MCF2L2: variants seen among roughly 807,000 people sequenced by gnomAD.
MCF2L2 encodes the protein probable guanine nucleotide exchange factor MCF2L2.
A neutral mutation model predicts 150.2 loss-of-function variants in MCF2L2; 102 were observed. The ratio of observed to expected loss-of-function variants is 0.68; its 90% confidence interval spans 0.58 to 0.80. The LOEUF is 0.80. Among genes scored for constraint, MCF2L2 ranks in the 30% least tolerant of loss-of-function variants. The pLI, the probability that MCF2L2 is intolerant of heterozygous loss-of-function variation, is 0.00. For synonymous variants in MCF2L2, 465 were observed against 491.3 expected, an observed-to-expected ratio of 0.95 and a Z score of 0.71; for missense variants, 1,256 against 1,372.8, an observed-to-expected ratio of 0.91 and a Z score of 1.34.
At chr3:183,230,095 TA>T (rs1329279178) in intron 16 of MCF2L2, among the ~76,000 whole-genome samples, 1 of 152,176 alleles carries the variant, frequency 6.6e-6, no homozygotes, top group Admixed American at 6.5e-5. Context: ...TATGAACTAA[TA>T]CAATTACTAT....
At chr3:183,341,970 C>CT (rs1401995934) in intron 3 of MCF2L2, among the ~76,000 whole-genome samples, 1 of 152,178 alleles carries the variant, frequency 6.6e-6, no homozygotes, top group African/African-American at 2.4e-5. Context: ...CTCTGCCATC[C>CT]TTCCGCTCCC....
intron 23 of MCF2L2, among the ~76,000 whole-genome samples, chr3:183,206,659 G>A (rs148986770): frequency 6.7e-4 from 102 of 152,242 alleles, no homozygotes; most frequent in African/African-American, 2.3e-3. Context: ...ATCACCTGAG[G>A]TCAGGAGTTC....
chr3:183,368,780 A>G (rs1712688174), intron 3 of MCF2L2, among the ~76,000 whole-genome samples: 2 of 152,084 alleles, frequency 1.3e-5, no homozygotes. Flanking sequence ...AAAGCCTAAA[A>G]TATTTTTCCT....
At chr3:183,222,352 C>A (rs1723179002) in intron 20 of MCF2L2, among the ~76,000 whole-genome samples, 1 of 152,118 alleles carries the variant, frequency 6.6e-6, no homozygotes, top group Non-Finnish European at 1.5e-5. Context: ...GAGTTCAAGA[C>A]CAGCCTGGCC....
rs765500161 is a variant in MCF2L2, at chr3:183,309,839, C to T, written c.994-4G>A. The T allele has an allele frequency of 1.5e-5, 25 of 1,613,402 alleles. No individual in the cohort carries two copies. Among genetic ancestry groups the T allele is most frequent in the Admixed American group, 3.3e-5 (2 of 59,982 alleles). The stretch of plus-strand genomic sequence containing the variant: ...AATTATCCAGGGCAAGCTTAGCCTA[C>T]AAGAAACATTAGAACAGTCCAGAAG... On this transcript the variant is annotated splice_region_variant and splice_polypyrimidine_tract_variant and intron_variant, in intron 9 of 29. Coordinates refer to ENST00000328913, the MANE Select transcript of MCF2L2 (RefSeq NM_015078.4).
At chr3:183,302,193 G>T (rs1366662133) in intron 10 of MCF2L2, among the ~76,000 whole-genome samples, 1 of 152,262 alleles carries the variant, frequency 6.6e-6, no homozygotes, top group Middle Eastern at 3.4e-3. Context: ...GCTTGTGCCT[G>T]GTTTCCTCCA....
chr3:183,198,209 G>A (rs145096002), intron 25 of MCF2L2, among the ~76,000 whole-genome samples: 2,060 of 152,164 alleles, frequency 0.014, 16 homozygotes, highest in Non-Finnish European at 0.019. Flanking sequence ...AATGGATAAA[G>A]AAAACGGGGT....
chr3:183,313,638 T>C (rs1428756125), intron 7 of MCF2L2, among the ~76,000 whole-genome samples: 1 of 151,834 alleles, frequency 6.6e-6, no homozygotes, highest in African/African-American at 2.4e-5. Flanking sequence ...AAAAATGGAG[T>C]TTCAGTTTCC....
At chr3:183,257,866 C>A (rs937107771) in intron 15 of MCF2L2, among the ~76,000 whole-genome samples, 12 of 151,742 alleles carry the variant, frequency 7.9e-5, no homozygotes, top group Non-Finnish European at 1.5e-4. Flanking sequence ...CATTTCCCCA[C>A]TCAAGCCACA....
intron 15 of MCF2L2, 30 bp from the exon 16 acceptor site, chr3:183,231,047 AAGAG>A (rs766909201): frequency 3.9e-6 from 6 of 1,522,924 alleles, no homozygotes; most frequent in South Asian, 2.2e-5. Flanking sequence ...GGGAGGGTGA[AAGAG>A]AGAGAGACAG....
Position 183,217,038 on chromosome 3 carries a change from A to T in MCF2L2, c.2371-944T>A, listed in dbSNP as rs138168202. On this transcript the variant is annotated intron_variant, in intron 21 of 29. Transcript: ENST00000328913. ...GGCCGGGCGGGTGGCTCATGCCTGT[A>T]ATCCCAGCACTTTGGGAGGCTGAGA... Among the ~76,000 whole-genome samples the T allele has an allele frequency of 4.0e-3, 609 of 151,592 alleles. 2 individuals carry two copies. The highest frequency in any genetic ancestry group is 6.9e-3 in the Non-Finnish European group (471 of 67,858).
At chr3:183,414,546 C>T (rs1715486846) in intron 1 of MCF2L2, among the ~76,000 whole-genome samples, 1 of 152,138 alleles carries the variant, frequency 6.6e-6, no homozygotes, top group South Asian at 2.1e-4. Context: ...TGCTTTTCTA[C>T]TCTACATTTC....
chr3:183,209,487 T>A (rs1722612314), intron 22 of MCF2L2, among the ~76,000 whole-genome samples: 1 of 152,068 alleles, frequency 6.6e-6, no homozygotes, highest in South Asian at 2.1e-4. Flanking sequence ...ACAAAATTAT[T>A]TTTTATTTTT....
At chr3:183,327,057 T>C (rs2108525389) in intron 5 of MCF2L2, among the ~76,000 whole-genome samples, 1 of 152,258 alleles carries the variant, frequency 6.6e-6, no homozygotes, top group East Asian at 1.9e-4. Context: ...CCGGGCATGG[T>C]GGCTCACACC....
intron 25 of MCF2L2, among the ~76,000 whole-genome samples, chr3:183,196,077 C>T (rs150525176): frequency 1.6e-4 from 24 of 152,334 alleles, no homozygotes; most frequent in Non-Finnish European, 2.6e-4. Context: ...AGTCATGCCA[C>T]AGCTGAGGAG....
intron 10 of MCF2L2, among the ~76,000 whole-genome samples, chr3:183,309,150 T>C (rs770817738): frequency 4.6e-5 from 7 of 152,236 alleles, no homozygotes; most frequent in Non-Finnish European, 8.8e-5. Context: ...AAGTTTCACA[T>C]TTACAACTCT....
chr3:183,335,431 T>C (rs1730437813), intron 5 of MCF2L2, among the ~76,000 whole-genome samples: 1 of 152,230 alleles, frequency 6.6e-6, no homozygotes, highest in East Asian at 1.9e-4. Context: ...CTATAATACA[T>C]GTTATGGTTT....
At chr3:183,308,652 G>C (rs1729218253) in intron 10 of MCF2L2, among the ~76,000 whole-genome samples, 1 of 152,220 alleles carries the variant, frequency 6.6e-6, no homozygotes, top group Non-Finnish European at 1.5e-5. Flanking sequence ...ACAGCTCTTA[G>C]AGTCAGTGTG....
At chr3:183,289,626 C>A (rs184071978) in intron 13 of MCF2L2, among the ~76,000 whole-genome samples, 1 of 152,142 alleles carries the variant, frequency 6.6e-6, no homozygotes, top group African/African-American at 2.4e-5. Flanking sequence ...GAGGCTGAGG[C>A]GGGCAGATCA....
Sources: gnomAD v4.1 joint callset for allele counts (sites outside exome capture counted in the v4.1 genomes callset) on GRCh38, gnomAD v4.1.1 for gene constraint, MANE v1.5 for transcripts, NCBI Gene and HGNC (gene_info 2026-07-23, HGNC 2026-07-21) for gene names.